NBAS: variants seen among roughly 807,000 people sequenced by gnomAD.
NBAS encodes the protein NAG/BC035112 fusion.
A neutral mutation model predicts 302.5 loss-of-function variants in NBAS; 219 were observed. That is an observed-to-expected ratio of 0.72 (90% confidence interval 0.65 to 0.81). NBAS has a LOEUF of 0.81. Among genes scored for constraint, NBAS ranks in the 30% least tolerant of loss-of-function variants. The pLI, the probability that NBAS is intolerant of heterozygous loss-of-function variation, is 0.00. For synonymous variants in NBAS, 1,118 were observed against 1,021.6 expected (o/e 1.09, Z -1.80); for missense variants, 2,932 against 2,841.6 (o/e 1.03, Z -0.72).
At chr2:15,492,908 T>C (rs1389800822) in intron 11 of NBAS, among the ~76,000 whole-genome samples, 1 of 152,108 alleles carries the variant, frequency 6.6e-6, no homozygotes, top group Non-Finnish European at 1.5e-5. Flanking sequence ...TCTGTGGTAT[T>C]TGGGAGTCTG....
the NBAS span, among the ~76,000 whole-genome samples, chr2:15,090,505 G>A: frequency 6.6e-6 from 1 of 152,194 alleles, no homozygotes; most frequent in Non-Finnish European, 1.5e-5. Context: ...GAAATGGAGA[G>A]GACATCCCTT....
chr2:15,017,078 C>T, the NBAS span, among the ~76,000 whole-genome samples: 3 of 151,904 alleles, frequency 2.0e-5, no homozygotes, highest in Non-Finnish European at 4.4e-5. Flanking sequence ...ACAATGTCTT[C>T]AACAAATAAT....
chr2:14,902,712 G>A, the NBAS span, among the ~76,000 whole-genome samples: 1 of 152,158 alleles, frequency 6.6e-6, no homozygotes. Context: ...CTGGGAGGTT[G>A]GGAAAAGGGG....
intron 25 of NBAS, among the ~76,000 whole-genome samples, chr2:15,406,117 A>AC (rs1553306525): frequency 1.4e-5 from 2 of 141,696 alleles, no homozygotes; most frequent in South Asian, 2.2e-4. Flanking sequence ...AAAAAAAAAC[A>AC]AAACAAAAAA....
the NBAS span, among the ~76,000 whole-genome samples, chr2:15,060,450 C>T: frequency 9.2e-5 from 14 of 152,140 alleles, no homozygotes; most frequent in Non-Finnish European, 1.8e-4. Context: ...TTTATTGAAA[C>T]AAGGCAGAAC....
At chr2:15,042,593 C>T in the NBAS span, among the ~76,000 whole-genome samples, 37 of 152,340 alleles carry the variant, frequency 2.4e-4, no homozygotes, top group African/African-American at 8.7e-4. Flanking sequence ...ATGACCCAGA[C>T]TGAAACTAGC....
intron 28 of NBAS, among the ~76,000 whole-genome samples, chr2:15,384,942 T>C (rs79519790): frequency 2.0e-5 from 3 of 152,298 alleles, no homozygotes; most frequent in African/African-American, 4.8e-5. Context: ...ATGTGTTTAA[T>C]AGTTATTGCT....
intron 44 of NBAS, among the ~76,000 whole-genome samples, chr2:15,249,285 C>A (rs1006861077): frequency 6.6e-6 from 1 of 152,146 alleles, no homozygotes; most frequent in African/African-American, 2.4e-5. Flanking sequence ...TAAAAACTCT[C>A]AATAATCTAG....
At chr2:15,518,809 C>T (rs978256342) in intron 9 of NBAS, among the ~76,000 whole-genome samples, 2 of 152,062 alleles carry the variant, frequency 1.3e-5, no homozygotes, top group Non-Finnish European at 2.9e-5. Flanking sequence ...AGGAGCAAGG[C>T]ACATCTTATG....
chr2:15,173,427 A>G (rs944804416), intron 51 of NBAS, among the ~76,000 whole-genome samples: 2 of 152,190 alleles, frequency 1.3e-5, no homozygotes, highest in Non-Finnish European at 2.9e-5. Context: ...ATTTAATACT[A>G]TTTCACTGTT....
intron 51 of NBAS, among the ~76,000 whole-genome samples, chr2:15,173,510 C>T (rs13408707): frequency 0.3 from 45,105 of 152,020 alleles, 7,243 homozygotes; most frequent in African/African-American, 0.43. Context: ...ATATCAACCA[C>T]AAGGGTAGAA....
At chr2:14,894,834 G>A in the NBAS span, among the ~76,000 whole-genome samples, 25 of 152,198 alleles carry the variant, frequency 1.6e-4, no homozygotes, top group Non-Finnish European at 2.9e-4. Context: ...TGAGGTGGGC[G>A]GATCACGAGG....
the NBAS span, among the ~76,000 whole-genome samples, chr2:15,067,279 A>G: frequency 6.6e-6 from 1 of 151,294 alleles, no homozygotes; most frequent in Admixed American, 6.6e-5. Flanking sequence ...TGGGAGGTCA[A>G]CGCTGCAGCA....
chr2:15,266,127 G>A (rs772540475), intron 44 of NBAS, among the ~76,000 whole-genome samples: 1 of 152,132 alleles, frequency 6.6e-6, no homozygotes, highest in Admixed American at 6.5e-5. Context: ...CCTTGGCTGG[G>A]CACTCATTCT....
rs570389651 is a variant in NBAS at position 15,417,495 on chromosome 2, A to G, written c.2763+32T>C. On this transcript the variant is annotated intron_variant, in intron 24 of 51. Transcript: ENST00000281513. ...CAAAGTGCATAGAAAATGCTTTAAA[A>G]TATTTAAAAAGGAAGTTAAAATAAA... 2.2e-4 allele frequency: 352 copies of G among 1,574,962 alleles called. 6 individuals are homozygous for G. In the South Asian group the frequency reaches 3.6e-3, roughly 16 times the overall value.
At chr2:15,338,231 A>G (rs1371167560) in intron 35 of NBAS, among the ~76,000 whole-genome samples, 1 of 152,186 alleles carries the variant, frequency 6.6e-6, no homozygotes, top group African/African-American at 2.4e-5. Flanking sequence ...TTAATTTCTG[A>G]GAAATCTATT....
chr2:14,980,903 A>G, the NBAS span, among the ~76,000 whole-genome samples: 54 of 152,312 alleles, frequency 3.5e-4, 1 homozygote, highest in East Asian at 6.7e-3. Context: ...TTGAAACTTA[A>G]TAACTACATA....
chr2:14,950,178 C>T, the NBAS span, among the ~76,000 whole-genome samples: 1 of 152,150 alleles, frequency 6.6e-6, no homozygotes. Flanking sequence ...CACTCTTCCC[C>T]CTGAGTCCCC....
At chr2:14,917,471 G>A in the NBAS span, among the ~76,000 whole-genome samples, 5 of 152,276 alleles carry the variant, frequency 3.3e-5, no homozygotes, top group East Asian at 1.9e-4. Context: ...ACCTAATCAC[G>A]GAAGTGCCAT....
Sources: gnomAD v4.1 joint callset for allele counts (sites outside exome capture counted in the v4.1 genomes callset) on GRCh38, gnomAD v4.1.1 for gene constraint, MANE v1.5 for transcripts, NCBI Gene and HGNC (gene_info 2026-07-23, HGNC 2026-07-21) for gene names.